The following PIP4K2B variants were observed in gnomAD, a reference collection of about 807,000 sequenced individuals.
The protein encoded by PIP4K2B is phosphatidylinositol-5-phosphate 4-kinase type 2 beta, also known as phosphatidylinositol 5-phosphate 4-kinase type-2 beta.
In PIP4K2B, 3 loss-of-function variants were observed where a neutral mutation model predicts 42.0. The ratio of observed to expected loss-of-function variants is 0.07; its 90% CI spans 0.03 to 0.18. The LOEUF is 0.18. Ranked by LOEUF, PIP4K2B falls within the 10% of genes least tolerant of loss-of-function variation. The pLI is 1.00. For synonymous variants in PIP4K2B, 204 were observed against 210.1 expected (o/e 0.97, Z 0.25); for missense variants, 332 against 562.3 (o/e 0.59, Z 4.14).
intron 3 of PIP4K2B, among the ~76,000 whole-genome samples, 187 bp downstream of exon 3, chr17:38,784,056 C>T (rs1158191473): frequency 6.6e-6 from 1 of 152,218 alleles, no homozygotes; most frequent in Non-Finnish European, 1.5e-5. Flanking sequence ...TCCTCAGAAG[C>T]ATTTCTAAGG....
chr17:38,799,035 C>T lies in PIP4K2B; in HGVS notation c.159+231G>A, dbSNP rs1235881644. ...CGCCACACGCAGGAAGCCAGAAGGG[C>T]TGGAGGGAAGGGGAGGTGGCGACGG... On this transcript the variant is annotated intron_variant, in intron 1 of 9. Coordinates refer to ENST00000619039, the MANE Select transcript of PIP4K2B (RefSeq NM_003559.5). The surrounding 1 kb of genome is among the most constrained non-coding windows in gnomAD (Gnocchi z 4.4). Among the ~76,000 whole-genome samples, 1 of 152,206 alleles carries T rather than the reference C, an allele frequency of 6.6e-6. No individual in the cohort carries two copies. Among genetic ancestry groups the T allele is most frequent in the Non-Finnish European group, 1.5e-5 (1 of 68,028 alleles).
At chr17:38,791,758 C>T (rs1022118944) in intron 1 of PIP4K2B, among the ~76,000 whole-genome samples, 11 of 149,504 alleles carry the variant, frequency 7.4e-5, no homozygotes, top group Non-Finnish European at 1.2e-4. Context: ...TATTAAGGGC[C>T]TTACTATATG....
At chr17:38,770,900 A>G in intron 8 of PIP4K2B, 114 bp downstream of exon 8, 1 of 1,235,258 alleles carries the variant, frequency 8.1e-7, no homozygotes, top group Non-Finnish European at 1.1e-6. Context: ...AAAGAGGTCA[A>G]AGGCAGCAAT....
intron 1 of PIP4K2B, among the ~76,000 whole-genome samples, chr17:38,789,297 G>A (rs896238062): frequency 3.3e-5 from 5 of 152,198 alleles, no homozygotes; most frequent in African/African-American, 4.8e-5. Context: ...GCAGAGATGA[G>A]GGCAGATCCT....
chr17:38,770,918 G>A, intron 8 of PIP4K2B, 96 bp downstream of exon 8: 2 of 1,374,266 alleles, frequency 1.5e-6, no homozygotes, highest in Non-Finnish European at 2.0e-6. Flanking sequence ...AATGAATGAG[G>A]TGGAGGTCCA....
intron 1 of PIP4K2B, among the ~76,000 whole-genome samples, chr17:38,798,421 T>C (rs1044184395): frequency 1.3e-5 from 2 of 152,158 alleles, no homozygotes; most frequent in Non-Finnish European, 2.9e-5. Context: ...GCAGGGGCTG[T>C]TGAACAATCT....
chr17:38,776,693 T>A (rs1173469971), intron 7 of PIP4K2B: 1 of 396,834 alleles, frequency 2.5e-6, no homozygotes, highest in Non-Finnish European at 4.9e-6. Context: ...TTACCACAAT[T>A]AAAAAAAATT....
In PIP4K2B at chr17:38,766,965, G is replaced by A. The variant is rs1391468680; in HGVS notation, c.*2726C>T. Reference sequence around the variant, plus strand: ...AAGAGGGGGAAGGATGGGAGAAGGGGTGACTGGATGCCAGCCAGGAATCCT... The same window carrying A: ...AAGAGGGGGAAGGATGGGAGAAGGGATGACTGGATGCCAGCCAGGAATCCT... On this transcript the variant is annotated 3_prime_UTR_variant, in exon 10 of 10. Coordinates refer to ENST00000619039, the MANE Select transcript of PIP4K2B (RefSeq NM_003559.5). 1 of 152,432 alleles carries A rather than the reference G, an allele frequency of 6.6e-6. No homozygotes were observed. Among genetic ancestry groups the A allele is most frequent in the African/African-American group, 2.4e-5 (1 of 41,472 alleles). The allele number at this position is 152,432 out of a possible 1,614,324, so 9.4% of individuals were successfully genotyped here.
intron 1 of PIP4K2B, among the ~76,000 whole-genome samples, chr17:38,791,816 G>A (rs188681537): frequency 2.6e-5 from 4 of 150,972 alleles, no homozygotes; most frequent in African/African-American, 7.3e-5. Flanking sequence ...AGAGCTGGGC[G>A]TAGTGGCTCA....
chr17:38,778,174 C>T (rs1371492958), intron 6 of PIP4K2B, among the ~76,000 whole-genome samples, 160 bp downstream of exon 6: 1 of 152,138 alleles, frequency 6.6e-6, no homozygotes, highest in Non-Finnish European at 1.5e-5. Flanking sequence ...AGGCCTAGCA[C>T]AAGGACAGAC....
Position 38,780,571 on chromosome 17 carries a change from C to CT in PIP4K2B, c.387_388insA (p.Asp130ArgfsTer87). The CT allele has an allele frequency of 6.2e-7, 1 of 1,613,494 alleles. No individual in the cohort carries two copies. The highest frequency in any genetic ancestry group is 1.7e-5 in the Admixed American group (1 of 60,018). On this transcript the variant is annotated frameshift_variant, in exon 4 of 10. Coordinates refer to ENST00000619039, the MANE Select transcript of PIP4K2B (RefSeq NM_003559.5). LOFTEE classifies it high-confidence loss of function. ...CGCGTGCCACACCGACCCTGGCTGT[C>CT]ACTGTTGATGGGGGCGCTGCGCGTC...
intron 1 of PIP4K2B, among the ~76,000 whole-genome samples, chr17:38,789,566 A>C (rs995951490): frequency 6.6e-6 from 1 of 151,840 alleles, no homozygotes; most frequent in African/African-American, 2.4e-5. Flanking sequence ...AGTCATTAGA[A>C]CTCCTCCAGG....
intron 6 of PIP4K2B, 59 bp from the exon 7 acceptor site, chr17:38,777,859 C>A (rs1186676407): frequency 7.3e-6 from 9 of 1,227,078 alleles, no homozygotes; most frequent in Non-Finnish European, 1.1e-5. Flanking sequence ...CAGGGACACC[C>A]AACTGTTCTG....
rs1567666093 is a variant in PIP4K2B at position 38,799,229 on chromosome 17, GGGGCCGCGCTC to G, written c.159+26_159+36del. On this transcript the variant is annotated intron_variant, in intron 1 of 9. Transcript: ENST00000619039. This position sits in a 1 kb window ranked among gnomAD's most constrained non-coding sequence, Gnocchi z 4.4. The stretch of plus-strand genomic sequence containing the variant: ...GGCTGCAGGGGGCGTGGGAGCGCGC[GGGGCCGCGCTC>G]AGAGGGGCGCGCAGGAGCTGGTTAC... 4 of 1,547,726 alleles carry G rather than the reference GGGGCCGCGCTC, an allele frequency of 2.6e-6. No individual in the cohort carries two copies. The highest frequency in any genetic ancestry group is 3.5e-6 in the Non-Finnish European group (4 of 1,152,268).
Position 38,777,281 on chromosome 17 carries a change from T to C in PIP4K2B, c.807+406A>G, listed in dbSNP as rs185006560. Among the ~76,000 whole-genome samples the C allele has an allele frequency of 3.3e-5, 5 of 152,204 alleles. No individual in the cohort carries two copies. The East Asian group carries it at 9.7e-4, about 29-fold the overall frequency. On this transcript the variant is annotated intron_variant, in intron 7 of 9. Coordinates refer to ENST00000619039, the MANE Select transcript of PIP4K2B (RefSeq NM_003559.5). ...GGTCTTGCTATGTTGCCTAGGCTGG[T>C]ATTGAACTGCTGAGCTCAAGCGATC...
At chr17:38,776,777 C>G (rs1909380955) in intron 7 of PIP4K2B, among the ~76,000 whole-genome samples, 2 of 152,186 alleles carry the variant, frequency 1.3e-5, no homozygotes, top group African/African-American at 4.8e-5. Context: ...GAAGGAGACG[C>G]TGAGTTATCA....
In PIP4K2B at chr17:38,769,639, G is replaced by A. The variant is rs1257072120; in HGVS notation, c.*52C>T. 1.5e-5 allele frequency: 16 copies of A among 1,077,436 alleles called. No homozygotes were observed. The highest frequency in any genetic ancestry group is 3.1e-5 in the African/African-American group (2 of 64,684). 66.7% of individuals were successfully genotyped at this position (1,077,436 alleles called of 1,614,324 possible). A position where few individuals can be genotyped will look rare whatever the true frequency, so the allele number is the denominator to read the frequency against. ...AAATACACCCTTCTCCCTAACTCCC[G>A]ATCCCCGACCCCATATCCAGCTCTC... On this transcript the variant is annotated 3_prime_UTR_variant, in exon 10 of 10. Transcript: ENST00000619039.
chr17:38,771,823 G>A (rs1026800414), intron 7 of PIP4K2B, among the ~76,000 whole-genome samples: 1 of 152,162 alleles, frequency 6.6e-6, no homozygotes, highest in African/African-American at 2.4e-5. Flanking sequence ...GAGGCCAGGA[G>A]TTTGAGACCA....
At chr17:38,786,621 T>TAG (rs1910026137) in intron 2 of PIP4K2B, among the ~76,000 whole-genome samples, 1 of 152,200 alleles carries the variant, frequency 6.6e-6, no homozygotes, top group Admixed American at 6.5e-5. Flanking sequence ...AGGCTGATAA[T>TAG]AGAGTGAGAC....
Sources: allele counts gnomAD v4.1 joint callset (sites outside exome capture counted in the v4.1 genomes callset), GRCh38; gene constraint gnomAD v4.1.1; non-coding constraint Gnocchi (gnomAD v3.1); transcripts MANE v1.5; gene names NCBI Gene and HGNC (gene_info 2026-07-23, HGNC 2026-07-21).